CSPP1: variants seen among roughly 807,000 people sequenced by gnomAD.
CSPP1 encodes centrosome and spindle pole associated protein 1, also known as centrosome and spindle pole-associated protein 1.
A neutral mutation model predicts 164.4 loss-of-function variants in CSPP1; 126 were observed. The ratio of observed to expected loss-of-function variants is 0.77; its 90% CI spans 0.66 to 0.89. The LOEUF (loss-of-function observed/expected upper bound fraction) is 0.89, where lower values mean the gene tolerates loss of function less well. CSPP1 is among the 40% of genes least tolerant of loss of function. The pLI, the probability that CSPP1 is intolerant of heterozygous loss-of-function variation, is 0.00. For missense variants in CSPP1, 1,395 were observed against 1,449.8 expected (o/e 0.96, Z 0.61); for synonymous variants, 472 against 476.7 (o/e 0.99, Z 0.13).
At chr8:67,175,703 T>C (rs564624965) in intron 26 of CSPP1, 2 of 555,156 alleles carry the variant, frequency 3.6e-6, no homozygotes, top group Non-Finnish European at 6.7e-6. Flanking sequence ...CCAGGCCAGG[T>C]GACGTCTGCA....
chr8:67,161,067 C>G (rs1828250196), intron 21 of CSPP1, among the ~76,000 whole-genome samples: 1 of 152,168 alleles, frequency 6.6e-6, no homozygotes, highest in Non-Finnish European at 1.5e-5. Context: ...GACCTGCCTG[C>G]TTGGCCTCCC....
rs374931737 is a variant in CSPP1, at chr8:67,096,543, C to T, written c.923+811C>T. Among the ~76,000 whole-genome samples, 290 of 148,648 alleles carry T rather than the reference C, an allele frequency of 2.0e-3. 4 individuals are homozygous for T. Among genetic ancestry groups the T allele is most frequent in the African/African-American group, 6.7e-3 (268 of 40,288 alleles). ...TCACGCCACTGCGCTCCAGCCTGGGCGGTAAGGTGAGACTCTGTCTCCAAA... is the reference window on the plus strand; with the variant it reads ...TCACGCCACTGCGCTCCAGCCTGGGTGGTAAGGTGAGACTCTGTCTCCAAA... On this transcript the variant is annotated intron_variant, in intron 7 of 30. Transcript: ENST00000678616.
At chr8:67,189,023 C>T (rs768424042) in intron 28 of CSPP1, among the ~76,000 whole-genome samples, 3 of 152,196 alleles carry the variant, frequency 2.0e-5, no homozygotes, top group Non-Finnish European at 4.4e-5. Flanking sequence ...GTTCTAAGAA[C>T]AAGGACCCGC....
At chr8:67,148,808 A>G (rs1010333398) in intron 17 of CSPP1, among the ~76,000 whole-genome samples, 4 of 152,162 alleles carry the variant, frequency 2.6e-5, no homozygotes, top group Admixed American at 2.6e-4. Flanking sequence ...AAGTTCTGTA[A>G]TCATTCAGTT....
chr8:67,135,358 C>G (rs1822044334), intron 16 of CSPP1: 2 of 151,984 alleles, frequency 1.3e-5, no homozygotes, highest in African/African-American at 4.8e-5. Flanking sequence ...GGTGGGGTTT[C>G]ACCATGTTGG....
intron 3 of CSPP1, among the ~76,000 whole-genome samples, chr8:67,082,018 G>C (rs894431022): frequency 3.3e-5 from 5 of 152,110 alleles, no homozygotes; most frequent in Non-Finnish European, 7.4e-5. Context: ...TGAGACTATA[G>C]GTTTGTGCCA....
intron 17 of CSPP1, among the ~76,000 whole-genome samples, chr8:67,141,669 G>T (rs1018930820): frequency 1.3e-5 from 2 of 152,152 alleles, no homozygotes; most frequent in African/African-American, 4.8e-5. Flanking sequence ...TTACAGGCAT[G>T]TGCCACCACG....
chr8:67,184,410 TAAAAG>T (rs1178034723), intron 28 of CSPP1, among the ~76,000 whole-genome samples: 2 of 152,246 alleles, frequency 1.3e-5, no homozygotes, highest in African/African-American at 4.8e-5. Flanking sequence ...GCCAAGCTAA[TAAAAG>T]AGAAGACACA....
At chr8:67,165,846 G>A (rs1354542793) in intron 24 of CSPP1, among the ~76,000 whole-genome samples, 3 of 152,202 alleles carry the variant, frequency 2.0e-5, no homozygotes, top group African/African-American at 4.8e-5. Context: ...TAAATCTAGC[G>A]CACCTGCAAG....
chr8:67,108,724 T>A (rs1162463310), intron 9 of CSPP1, among the ~76,000 whole-genome samples: 1 of 152,158 alleles, frequency 6.6e-6, no homozygotes. Flanking sequence ...GATGGGTCTT[T>A]CTCAACATTA....
intron 12 of CSPP1, chr8:67,114,978 A>T (rs1420334538): frequency 6.6e-6 from 1 of 152,266 alleles, no homozygotes. Flanking sequence ...AGTAGAGATT[A>T]GCAAAGTGTG....
At chr8:67,094,876 A>G (rs1361264484) in intron 6 of CSPP1, among the ~76,000 whole-genome samples, 8 of 152,154 alleles carry the variant, frequency 5.3e-5, no homozygotes, top group African/African-American at 1.4e-4. Context: ...CCTGACTTCT[A>G]TCACCCTAGA....
At chr8:67,075,331 T>A (rs1160643340) in intron 2 of CSPP1, among the ~76,000 whole-genome samples, 2 of 152,030 alleles carry the variant, frequency 1.3e-5, no homozygotes, top group African/African-American at 4.8e-5. Context: ...TATATTGGTT[T>A]GTTCAAGATG....
chr8:67,195,567 C>G lies in CSPP1; in HGVS notation c.3655C>G (p.Gln1219Glu), dbSNP rs368550470. ...TGGAAAACCAGGCACTTTCACTTGG[C>G]AGGGCCTGTCGACTGCACATGGTTA... ...IPGKPGTFTW[Q>E]GLSTAHG Residue 1219 changes from glutamine (Q) to glutamate (E), a missense_variant, in exon 31 of 31, where the codon CAG becomes GAG. Physicochemically the swap from Gln to Glu is conservative, Grantham distance 29. Coordinates refer to ENST00000678616, the MANE Select transcript of CSPP1 (RefSeq NM_001382391.1). 2.7e-5 allele frequency: 43 copies of G among 1,614,118 alleles called. No individual in the cohort carries two copies. The Middle Eastern group carries it at 6.6e-4, about 25-fold the overall frequency.
intron 24 of CSPP1, among the ~76,000 whole-genome samples, chr8:67,165,416 C>A (rs1210294128): frequency 6.6e-6 from 1 of 152,206 alleles, no homozygotes; most frequent in South Asian, 2.1e-4. Context: ...TTACTATGAA[C>A]TAAATTTGAG....
At chr8:67,166,166 C>T (rs914296336) in intron 24 of CSPP1, among the ~76,000 whole-genome samples, 2 of 152,134 alleles carry the variant, frequency 1.3e-5, no homozygotes, top group Admixed American at 1.3e-4. Context: ...GCCTCAGGAT[C>T]ATCTTGTATT....
At chr8:67,092,639 T>G (rs535574397) in intron 5 of CSPP1, among the ~76,000 whole-genome samples, 221 of 152,164 alleles carry the variant, frequency 1.5e-3, no homozygotes, top group African/African-American at 5.1e-3. Context: ...GAGATGGTGT[T>G]TCACAATGTA....
In CSPP1 at chr8:67,175,308, G is replaced by A. The variant is rs367949127; in HGVS notation, c.2981G>A (p.Arg994Gln). ...TTTTTTATACCAGATTCAGAAACAC[G>A]AGTTGATCTGAAATTTATGTACCTG... ...NELKDRDSETRVDLKFMYLDP... is the reference protein window; with the variant it reads ...NELKDRDSETQVDLKFMYLDP... The change falls in exon 26 of 31, where the codon CGA (arginine) becomes CAA (glutamine). Residue 994 changes from arginine to glutamine, a missense_variant. Coordinates refer to ENST00000678616, the MANE Select transcript of CSPP1 (RefSeq NM_001382391.1). 9.5e-5 allele frequency: 153 copies of A among 1,608,866 alleles called. No individual in the cohort carries two copies. The highest frequency in any genetic ancestry group is 1.2e-4 in the Non-Finnish European group (145 of 1,176,952).
At chr8:67,136,204 C>A (rs1822227301) in intron 16 of CSPP1, among the ~76,000 whole-genome samples, 1 of 151,892 alleles carries the variant, frequency 6.6e-6, no homozygotes, top group African/African-American at 2.4e-5. Flanking sequence ...TGAAATTAGC[C>A]CATGCCATTG....
Sources: gnomAD v4.1 joint callset for allele counts (sites outside exome capture counted in the v4.1 genomes callset) on GRCh38, gnomAD v4.1.1 for gene constraint, MANE v1.5 for transcripts, NCBI Gene and HGNC (gene_info 2026-07-23, HGNC 2026-07-21) for gene names.